CSMD1: variants seen among roughly 807,000 people sequenced by gnomAD.
CSMD1 encodes CUB and Sushi multiple domains 1.
A neutral mutation model predicts 417.5 loss-of-function variants in CSMD1; 213 were observed. The observed-to-expected ratio is 0.51, with a 90% confidence interval of 0.46 to 0.57. The LOEUF (loss-of-function observed/expected upper bound fraction) is 0.57. Ranked by LOEUF, CSMD1 falls within the 20% of genes least tolerant of loss-of-function variation. The pLI is 0.00. For missense variants in CSMD1, 6,923 were observed against 4,529.7 expected (o/e 1.53, Z -15.17); for synonymous variants, 2,862 against 1,736.8 (o/e 1.65, Z -16.11).
chr8:3,397,195 G>A (rs1281782008), intron 16 of CSMD1, among the ~76,000 whole-genome samples: 1 of 152,042 alleles, frequency 6.6e-6, no homozygotes, highest in Non-Finnish European at 1.5e-5. Context: ...TGCCTGACTT[G>A]GCTCTCAGGG....
chr8:4,700,833 C>T (rs1807482487), intron 1 of CSMD1, among the ~76,000 whole-genome samples: 1 of 152,064 alleles, frequency 6.6e-6, no homozygotes, highest in Non-Finnish European at 1.5e-5. Context: ...AAAAAGGTAA[C>T]AGCAAGAATA....
rs1237453546 is a variant in CSMD1 at position 3,602,186 on chromosome 8, A to G, written c.1097+14524T>C. 3.9e-5 allele frequency among the ~76,000 whole-genome samples: 6 copies of G among 152,314 alleles called. No homozygotes were observed. In the East Asian group the frequency reaches 9.6e-4, roughly 24 times the overall value. ...TTTATCACAATTAAACATTCTCTTT[A>G]AAAATCTTCATGACTGGTCCATCTT... On this transcript the variant is annotated intron_variant, in intron 8 of 69. Coordinates refer to ENST00000635120, the MANE Select transcript of CSMD1 (RefSeq NM_033225.6).
chr8:2,974,388 A>T, intron 56 of CSMD1, 63 bp downstream of exon 56: 2 of 1,353,256 alleles, frequency 1.5e-6, no homozygotes, highest in Admixed American at 5.1e-5. Context: ...CATTATTTGA[A>T]ATCACTATTT....
At position 3,496,481 on chromosome 8, in the gene CSMD1, T is replaced by G. The variant is rs1796370019; in HGVS notation, c.1345-2755A>C. 1.3e-5 allele frequency among the ~76,000 whole-genome samples: 2 copies of G among 152,228 alleles called. 1 individual carries two copies. On this transcript the variant is annotated intron_variant, in intron 10 of 69. Coordinates refer to ENST00000635120, the MANE Select transcript of CSMD1 (RefSeq NM_033225.6). ...TGTTTATTTGAAATCTTTCTACTTT[T>G]TTGATATAGGTGTTTAATGCTATAA...
intron 3 of CSMD1, among the ~76,000 whole-genome samples, chr8:4,119,008 A>C (rs141321943): frequency 3.9e-5 from 6 of 152,296 alleles, no homozygotes; most frequent in African/African-American, 1.4e-4. Context: ...ACCAAACACC[A>C]CATGTTCTCA....
chr8:3,672,167 T>A (rs1233628669), intron 7 of CSMD1, among the ~76,000 whole-genome samples: 1 of 152,194 alleles, frequency 6.6e-6, no homozygotes, highest in Non-Finnish European at 1.5e-5. Flanking sequence ...GAAATCTCTT[T>A]ATGGTCAGGG....
chr8:4,099,632 T>G (rs1801204168), intron 3 of CSMD1, among the ~76,000 whole-genome samples: 1 of 152,108 alleles, frequency 6.6e-6, no homozygotes, highest in Admixed American at 6.6e-5. Context: ...AAAACCTCAC[T>G]TTCTTGGGTT....
At chr8:4,931,497 T>C (rs962435133) in intron 1 of CSMD1, among the ~76,000 whole-genome samples, 3 of 152,196 alleles carry the variant, frequency 2.0e-5, no homozygotes, top group Non-Finnish European at 2.9e-5. Flanking sequence ...ACACATGTTA[T>C]TATGTTATGT....
intron 50 of CSMD1, among the ~76,000 whole-genome samples, chr8:3,033,964 C>T (rs1026390047): frequency 1.3e-5 from 2 of 152,094 alleles, no homozygotes; most frequent in Admixed American, 1.3e-4. Context: ...CAGCCCATCG[C>T]GGGCCCCAGA....
At chr8:4,282,817 C>G (rs1488323091) in intron 3 of CSMD1, among the ~76,000 whole-genome samples, 1 of 152,048 alleles carries the variant, frequency 6.6e-6, no homozygotes, top group Non-Finnish European at 1.5e-5. Context: ...GGGTATATAT[C>G]AGATTCAACA....
intron 3 of CSMD1, among the ~76,000 whole-genome samples, chr8:4,156,460 C>G (rs1429098969): frequency 6.6e-6 from 1 of 152,150 alleles, no homozygotes; most frequent in African/African-American, 2.4e-5. Flanking sequence ...TTGGTGCTAA[C>G]TCTTTTATTG....
intron 3 of CSMD1, among the ~76,000 whole-genome samples, chr8:4,145,309 T>C (rs890183456): frequency 1.3e-5 from 2 of 151,094 alleles, no homozygotes; most frequent in Non-Finnish European, 2.9e-5. Context: ...AACTTTATGG[T>C]ACTCACCATT....
At chr8:3,752,534 T>C (rs1482185001) in intron 6 of CSMD1, among the ~76,000 whole-genome samples, 1 of 151,682 alleles carries the variant, frequency 6.6e-6, no homozygotes, top group Non-Finnish European at 1.5e-5. Flanking sequence ...TGCACCTGTA[T>C]TCCCAGCTAC....
intron 40 of CSMD1, among the ~76,000 whole-genome samples, chr8:3,147,136 G>A (rs770104833): frequency 2.6e-5 from 4 of 152,136 alleles, no homozygotes; most frequent in South Asian, 2.1e-4. Flanking sequence ...CAAGGAAACA[G>A]ATATGTATGT....
chr8:4,251,621 T>C (rs757729372), intron 3 of CSMD1, among the ~76,000 whole-genome samples: 1 of 152,166 alleles, frequency 6.6e-6, no homozygotes, highest in Non-Finnish European at 1.5e-5. Flanking sequence ...TGTCTGGATA[T>C]TACACACTGG....
chr8:3,299,479 C>T (rs1401688682), intron 25 of CSMD1, among the ~76,000 whole-genome samples: 1 of 152,018 alleles, frequency 6.6e-6, no homozygotes, highest in Non-Finnish European at 1.5e-5. Context: ...AATGTGGTAT[C>T]ATCGCTAAGG....
chr8:3,910,686 C>G (rs191257685), intron 5 of CSMD1, among the ~76,000 whole-genome samples: 1 of 152,250 alleles, frequency 6.6e-6, no homozygotes, highest in Admixed American at 6.5e-5. Flanking sequence ...CTATTTTCCC[C>G]TTTGTATTTG....
chr8:3,838,742 A>G (rs1314473567), intron 5 of CSMD1, among the ~76,000 whole-genome samples: 3 of 74,820 alleles, frequency 4.0e-5, no homozygotes, highest in South Asian at 3.6e-4. Context: ...TATATAGTAT[A>G]ATATATAATA....
chr8:4,835,312 G>T (rs1036527738), intron 1 of CSMD1, among the ~76,000 whole-genome samples: 1 of 152,168 alleles, frequency 6.6e-6, no homozygotes, highest in Non-Finnish European at 1.5e-5. Flanking sequence ...GAAAAGAGTG[G>T]AGACAGGTTG....
Sources: gnomAD v4.1 joint callset for allele counts (sites outside exome capture counted in the v4.1 genomes callset) on GRCh38, gnomAD v4.1.1 for gene constraint, MANE v1.5 for transcripts, NCBI Gene and HGNC (gene_info 2026-07-23, HGNC 2026-07-21) for gene names.